Variants in PREX2 observed in about 807,000 individuals in gnomAD.
PREX2 encodes phosphatidylinositol-3,4,5-trisphosphate dependent Rac exchange factor 2.
In PREX2, 107 loss-of-function variants were observed where a neutral mutation model predicts 203.2. That is an observed-to-expected ratio of 0.53 (90% confidence interval 0.45 to 0.62). The LOEUF is 0.62. Among genes scored for constraint, PREX2 ranks in the 20% least tolerant of loss-of-function variants. The pLI is 0.00. For missense variants in PREX2, 1,777 were observed against 1,955.9 expected (o/e 0.91, Z 1.72); for synonymous variants, 672 against 663.6 (o/e 1.01, Z -0.19).
chr8:68,231,316 T>C lies in PREX2; in HGVS notation c.4776-17T>C, dbSNP rs1813166102. 1.3e-6 allele frequency: 2 copies of C among 1,572,348 alleles called. No individual in the cohort carries two copies. The highest frequency in any genetic ancestry group is 1.2e-5 in the South Asian group (1 of 82,604). ...AATACACTAAGTCACTGTCAAACTT[T>C]ACCATGCCTTTTCTAGGCTGTACAA... On this transcript the variant is annotated splice_polypyrimidine_tract_variant and intron_variant, in intron 39 of 39. Coordinates refer to ENST00000288368, the MANE Select transcript of PREX2 (RefSeq NM_024870.4).
At chr8:68,069,427 T>G (rs1461365904) in intron 12 of PREX2, among the ~76,000 whole-genome samples, 1 of 151,306 alleles carries the variant, frequency 6.6e-6, no homozygotes, top group Admixed American at 6.6e-5. Flanking sequence ...AATACTTGAA[T>G]TAAAAAAAAT....
chr8:68,204,545 T>C (rs1165834182), intron 37 of PREX2, among the ~76,000 whole-genome samples: 1 of 152,050 alleles, frequency 6.6e-6, no homozygotes, highest in Non-Finnish European at 1.5e-5. Flanking sequence ...TTCAATCAAG[T>C]TCTCTGTCTG....
chr8:68,147,847 G>A (rs574835134), intron 34 of PREX2, among the ~76,000 whole-genome samples: 45 of 151,770 alleles, frequency 3.0e-4, no homozygotes, highest in African/African-American at 1.1e-3. Context: ...TTATAGACAG[G>A]GTCAGTGTAG....
intron 20 of PREX2, among the ~76,000 whole-genome samples, chr8:68,091,489 A>G (rs558808687): frequency 3.3e-4 from 50 of 152,268 alleles, no homozygotes; most frequent in Admixed American, 1.8e-3. Flanking sequence ...TCTGGATTGG[A>G]TTTGAGGATG....
rs750547959 is a variant in PREX2, at chr8:68,053,292, CTT to C, written c.1093+47_1093+48del. On this transcript the variant is annotated intron_variant, in intron 9 of 39. Coordinates refer to ENST00000288368, the MANE Select transcript of PREX2 (RefSeq NM_024870.4). ...CTGTTACACTTTGTGAAGACTCTAA[CTT>C]AGCATAGGAGCAGATAATGGGAAAA... The C allele has an allele frequency of 6.0e-5, 95 of 1,590,014 alleles. 1 individual carries two copies. The African/African-American group carries it at 1.1e-3, about 18-fold the overall frequency.
At chr8:68,042,702 A>G (rs1353467231) in intron 7 of PREX2, among the ~76,000 whole-genome samples, 3 of 152,106 alleles carry the variant, frequency 2.0e-5, no homozygotes, top group Non-Finnish European at 4.4e-5. Flanking sequence ...AATATGCAGC[A>G]TAATTATTTT....
chr8:68,023,350 G>C (rs1317871416), intron 4 of PREX2, among the ~76,000 whole-genome samples: 5 of 152,230 alleles, frequency 3.3e-5, no homozygotes, highest in Admixed American at 3.3e-4. Context: ...TCTCATGGTG[G>C]TTTAAATTTG....
intron 34 of PREX2, among the ~76,000 whole-genome samples, chr8:68,152,450 C>T (rs1389508891): frequency 6.6e-6 from 1 of 152,014 alleles, no homozygotes; most frequent in African/African-American, 2.4e-5. Context: ...GTAAACCCAC[C>T]TCTCTTCAGA....
At chr8:68,087,696 A>G in intron 18 of PREX2, 28 bp from the exon 19 acceptor site, 2 of 1,533,928 alleles carry the variant, frequency 1.3e-6, no homozygotes, top group South Asian at 1.1e-5. Flanking sequence ...CTTACGCTTC[A>G]TCTTACCTTA....
chr8:68,201,428 G>C (rs181930862), intron 37 of PREX2, among the ~76,000 whole-genome samples: 1 of 152,142 alleles, frequency 6.6e-6, no homozygotes, highest in Non-Finnish European at 1.5e-5. Context: ...ACAATAGGCC[G>C]TCTGCAAGCT....
intron 37 of PREX2, among the ~76,000 whole-genome samples, chr8:68,203,970 G>A (rs951167181): frequency 1.3e-5 from 2 of 152,118 alleles, no homozygotes; most frequent in African/African-American, 2.4e-5. Flanking sequence ...TCTAGAGAAC[G>A]AATAAGAATG....
At chr8:68,162,079 C>A (rs924313108) in intron 35 of PREX2, among the ~76,000 whole-genome samples, 1 of 152,094 alleles carries the variant, frequency 6.6e-6, no homozygotes, top group African/African-American at 2.4e-5. Context: ...AAAGACTCAC[C>A]CCCATAATTC....
intron 1 of PREX2, among the ~76,000 whole-genome samples, chr8:67,957,966 A>G (rs768987824): frequency 6.6e-6 from 1 of 152,196 alleles, no homozygotes; most frequent in Non-Finnish European, 1.5e-5. Context: ...ATTTGGACAC[A>G]CAGAGAGATA....
chr8:68,203,346 A>G (rs1409698017), intron 37 of PREX2, among the ~76,000 whole-genome samples: 1 of 152,074 alleles, frequency 6.6e-6, no homozygotes, highest in African/African-American at 2.4e-5. Context: ...TTCATCTTTG[A>G]GGGGATTGTG....
intron 21 of PREX2, among the ~76,000 whole-genome samples, chr8:68,093,979 A>G (rs3763526): frequency 0.46 from 69,446 of 152,092 alleles, 16,343 homozygotes; most frequent in African/African-American, 0.57. Flanking sequence ...ATGGAAATGA[A>G]TATCATCATT....
intron 1 of PREX2, among the ~76,000 whole-genome samples, chr8:67,982,969 C>T (rs972113416): frequency 1.3e-5 from 2 of 152,192 alleles, no homozygotes; most frequent in Non-Finnish European, 2.9e-5. Context: ...ACCTCAATTT[C>T]GGTATGCAGG....
chr8:68,020,957 A>T (rs1807550609), intron 3 of PREX2, among the ~76,000 whole-genome samples: 1 of 152,216 alleles, frequency 6.6e-6, no homozygotes, highest in South Asian at 2.1e-4. Flanking sequence ...ATAAAGTAGC[A>T]CTTAATGTTT....
chr8:68,200,822 A>G (rs919281459), intron 37 of PREX2, among the ~76,000 whole-genome samples: 37 of 152,188 alleles, frequency 2.4e-4, no homozygotes, highest in Admixed American at 2.0e-4. Context: ...TTTGGTGCAT[A>G]TAAAAGGAGA....
At position 68,041,751 on chromosome 8, in the gene PREX2, G is replaced by T. The variant is rs147809993; in HGVS notation, c.840-2736G>T. Among the ~76,000 whole-genome samples, 7 of 152,062 alleles carry T rather than the reference G, an allele frequency of 4.6e-5. No individual in the cohort carries two copies. The East Asian group carries it at 1.4e-3, about 29-fold the overall frequency. ...CTGTAATGTGAATCAAGGTGTTTTA[G>T]TGCAATTATTAAAGGTCCCCATTTG... On this transcript the variant is annotated intron_variant, in intron 7 of 39. Transcript: ENST00000288368.
Sources: gnomAD v4.1 joint callset for allele counts (sites outside exome capture counted in the v4.1 genomes callset) on GRCh38, gnomAD v4.1.1 for gene constraint, MANE v1.5 for transcripts, NCBI Gene and HGNC (gene_info 2026-07-23, HGNC 2026-07-21) for gene names.